The following ARHGAP45 variants were observed in gnomAD, a reference collection of about 807,000 sequenced individuals.
The protein encoded by ARHGAP45 is Rho GTPase activating protein 45.
Under a neutral mutation model 116.1 loss-of-function variants are expected in ARHGAP45, and 56 were observed. The ratio of observed to expected loss-of-function variants is 0.48; its 90% CI spans 0.39 to 0.60. ARHGAP45 has a LOEUF of 0.60. Ranked by LOEUF, ARHGAP45 falls within the 20% of genes least tolerant of loss-of-function variation. The pLI, the probability that ARHGAP45 is intolerant of heterozygous loss-of-function variation, is 0.00. For missense variants in ARHGAP45, 1,622 were observed against 1,601.0 expected (o/e 1.01, Z -0.22); for synonymous variants, 866 against 701.7 (o/e 1.23, Z -3.70).
chr19:1,078,208 G>A (rs1490067833), intron 11 of ARHGAP45, among the ~76,000 whole-genome samples, 163 bp downstream of exon 11: 21 of 150,554 alleles, frequency 1.4e-4, no homozygotes, highest in African/African-American at 3.4e-4. Flanking sequence ...CAGTGGCACA[G>A]TCTCGGCTCA....
intron 19 of ARHGAP45, chr19:1,082,426 C>G: frequency 4.0e-6 from 1 of 247,536 alleles, no homozygotes; most frequent in South Asian, 7.1e-5. Flanking sequence ...TGGGGCGAGG[C>G]TGGGGCCAGG....
chr19:1,080,849 C>A (rs777917465), intron 16 of ARHGAP45, 43 bp from the exon 17 acceptor site: 1 of 1,606,864 alleles, frequency 6.2e-7, no homozygotes, highest in South Asian at 1.1e-5. Context: ...TGGGCCTGGC[C>A]CTGAGCTGCC....
Position 1,078,003 on chromosome 19 carries a change from C to T in ARHGAP45, c.1332C>T (p.Thr444=), listed in dbSNP as rs747329541. The T allele has an allele frequency of 5.3e-5, 82 of 1,554,610 alleles. No homozygotes were observed. Among genetic ancestry groups the T allele is most frequent in the Non-Finnish European group, 6.7e-5 (77 of 1,147,948 alleles). The part of the protein sequence containing the change: ...APGAGSTATK[T]LDKRRRLEEE... The stretch of plus-strand genomic sequence containing the variant: ...GAGCAGGCAGCACGGCCACCAAGAC[C>T]CTGGACAAGCGGCGGCGGCTGGAGG... Residue 444 remains threonine, a synonymous_variant, in exon 11 of 23, where the codon ACC becomes ACT. Coordinates refer to ENST00000313093, the MANE Select transcript of ARHGAP45 (RefSeq NM_012292.5).
At position 1,075,032 on chromosome 19, in the gene ARHGAP45, C is replaced by G. The variant is rs568810406; in HGVS notation, c.1185+153C>G. On this transcript the variant is annotated intron_variant, in intron 10 of 22. Coordinates refer to ENST00000313093, the MANE Select transcript of ARHGAP45 (RefSeq NM_012292.5). ...GCGGCCTCGCAGGCTGGGCCGCCCC[C>G]CCCAACGCCAAGCCGGGTCGGAGAT... is the stretch of plus-strand genomic sequence containing the variant. Among the ~76,000 whole-genome samples the G allele has an allele frequency of 3.0e-3, 397 of 133,062 alleles. 6 individuals are homozygous for G. The highest frequency in any genetic ancestry group is 9.8e-3 in the African/African-American group (371 of 37,936). The allele number at this position is 133,062 out of a possible 152,430, so 87.3% of individuals were successfully genotyped here. A position where few individuals can be genotyped will look rare whatever the true frequency, so the allele number is the denominator to read the frequency against.
Position 1,084,327 on chromosome 19 carries a change from G to A in ARHGAP45, c.3045G>A (p.Ala1015=), listed in dbSNP as rs371531615. The change falls in exon 22 of 23, where the codon GCG becomes GCA. Residue 1015 remains alanine (A), a synonymous_variant. Coordinates refer to ENST00000313093, the MANE Select transcript of ARHGAP45 (RefSeq NM_012292.5). ...GEAVVYPLQE[A]AADGCRESRV... is the part of the protein sequence containing the mutation. ...CGGTGGTCTACCCGCTGCAGGAGGC[G>A]GCGGCGGACGGGTGCAGAGGTGAGT... 5.0e-6 allele frequency: 8 copies of A among 1,610,348 alleles called. No homozygotes were observed. Among genetic ancestry groups the A allele is most frequent in the Non-Finnish European group, 6.8e-6 (8 of 1,178,540 alleles).
At chr19:1,080,218 C>T in intron 13 of ARHGAP45, 37 bp from the exon 14 acceptor site, 1 of 1,611,314 alleles carries the variant, frequency 6.2e-7, no homozygotes, top group Non-Finnish European at 8.5e-7. Context: ...TCTTGCCCCC[C>T]ATCACCTCCC....
intron 10 of ARHGAP45, among the ~76,000 whole-genome samples, chr19:1,076,766 G>C (rs961929122): frequency 2.0e-5 from 3 of 151,976 alleles, no homozygotes; most frequent in Non-Finnish European, 4.4e-5. Context: ...CAAAGTGCTG[G>C]AATTATAGGC....
chr19:1,077,462 C>T (rs1355138648), intron 10 of ARHGAP45: 3 of 1,014,598 alleles, frequency 3.0e-6, no homozygotes, highest in African/African-American at 3.5e-5. Flanking sequence ...CTGCAACCTT[C>T]GCCTCCTGGG....
Position 1,074,696 on chromosome 19 carries a change from G to A in ARHGAP45, c.1076G>A (p.Gly359Asp). The change falls in exon 9 of 23, where the codon GGC becomes GAC. Residue 359 changes from glycine (G) to aspartate (D), a missense_variant. By Grantham distance (94) the Gly-to-Asp change is moderately conservative. Coordinates refer to ENST00000313093, the MANE Select transcript of ARHGAP45 (RefSeq NM_012292.5). ...EFGHSMVQAV[G>D]TLQTQTFMQP... Reference sequence around the variant, plus strand: ...GGCCACAGCATGGTGCAGGCGGTGGGCACCTTGCAGACCCAGACCTTCATG... The same window carrying A: ...GGCCACAGCATGGTGCAGGCGGTGGACACCTTGCAGACCCAGACCTTCATG... 1 of 1,610,130 alleles carries A rather than the reference G, an allele frequency of 6.2e-7. No individual in the cohort carries two copies. The highest frequency in any genetic ancestry group is 8.5e-7 in the Non-Finnish European group (1 of 1,179,148).
Position 1,081,836 on chromosome 19 carries a change from G to C in ARHGAP45, c.2392G>C (p.Val798Leu). Reference protein sequence around the residue: ...RALRTKGIYRVNGVKTRVEKL... With the variant: ...RALRTKGIYRLNGVKTRVEKL... ...CGGGCTCCCGCAGGGCATCTACCGG[G>C]TCAATGGGGTAAAGACACGCGTGGA... The change falls in exon 19 of 23, where the codon GTC (valine) becomes CTC (leucine). Residue 798 changes from valine (V) to leucine (L), a missense_variant. Around this residue, in one of 3 missense-constraint regions of ARHGAP45, gnomAD observed 1,334 missense variants for 1,263.8 expected, o/e 1.06. Transcript: ENST00000313093. 1 of 1,610,304 alleles carries C rather than the reference G, an allele frequency of 6.2e-7. No individual in the cohort carries two copies. The highest frequency in any genetic ancestry group is 2.2e-5 in the East Asian group (1 of 44,760).
rs1447826040 is a variant in ARHGAP45 at position 1,080,075 on chromosome 19, G to A, written c.1660G>A (p.Asp554Asn). The A allele has an allele frequency of 1.2e-6, 2 of 1,612,556 alleles. No individual in the cohort carries two copies. The highest frequency in any genetic ancestry group is 1.1e-5 in the South Asian group (1 of 91,088). Residue 554 changes from aspartate to asparagine, a missense_variant, in exon 13 of 23, where the codon GAT becomes AAT. Coordinates refer to ENST00000313093, the MANE Select transcript of ARHGAP45 (RefSeq NM_012292.5). Reference protein sequence around the residue: ...VRQLQRDQEPDVHYDFEPHVS... With the variant: ...VRQLQRDQEPNVHYDFEPHVS... The stretch of plus-strand genomic sequence containing the variant: ...CCAGCTGCAGCGGGACCAGGAGCCC[G>A]ATGTGCACTACGACTTTGAGCCCCA...
In ARHGAP45 at chr19:1,073,164, G is replaced by A. The variant is rs766251950; in HGVS notation, c.437G>A (p.Arg146His). 3 of 1,608,096 alleles carry A rather than the reference G, an allele frequency of 1.9e-6. No individual in the cohort carries two copies. Among genetic ancestry groups the A allele is most frequent in the South Asian group, 1.1e-5 (1 of 91,026 alleles). Residue 146 changes from arginine (R) to histidine (H), a missense_variant, in exon 3 of 23, where the codon CGC becomes CAC. Physicochemically the swap from Arg to His is conservative, Grantham distance 29 (BLOSUM62 0). Around this residue, in one of 3 missense-constraint regions of ARHGAP45, gnomAD observed 279 missense variants for 311.9 expected, o/e 0.89. Coordinates refer to ENST00000313093, the MANE Select transcript of ARHGAP45 (RefSeq NM_012292.5). ...TCCCCAGCAGACCTCCTTGAGGCCC[G>A]CCGCCCGCGGGCCCACGAGTGCCTG... The part of the protein sequence containing the change: ...CVLRDDLLEA[R>H]RPRAHECLGE...
intron 2 of ARHGAP45, among the ~76,000 whole-genome samples, chr19:1,072,447 G>T (rs923166637): frequency 6.6e-6 from 1 of 151,988 alleles, no homozygotes; most frequent in Admixed American, 6.6e-5. Context: ...CAGAGACAGG[G>T]TCTTACTGTA....
Position 1,071,932 on chromosome 19 carries a change from C to T in ARHGAP45, c.422-1217C>T, listed in dbSNP as rs1231486033. On this transcript the variant is annotated intron_variant, in intron 2 of 22. Coordinates refer to ENST00000313093, the MANE Select transcript of ARHGAP45 (RefSeq NM_012292.5). The surrounding 1 kb of genome is among the most constrained non-coding windows in gnomAD (Gnocchi z 4.6). ...GGCCTCTGTCCTCCCGGGTACCTTTCCCCTCCTACGAATTCCGTGGGTTTG... is the reference window on the plus strand; with the variant it reads ...GGCCTCTGTCCTCCCGGGTACCTTTTCCCTCCTACGAATTCCGTGGGTTTG... 6.6e-6 allele frequency among the ~76,000 whole-genome samples: 1 copy of T among 152,182 alleles called. No homozygotes were observed. Among genetic ancestry groups the T allele is most frequent in the African/African-American group, 2.4e-5 (1 of 41,436 alleles).
intron 22 of ARHGAP45, among the ~76,000 whole-genome samples, chr19:1,085,249 C>G (rs1568488695): frequency 6.6e-6 from 1 of 152,094 alleles, no homozygotes; most frequent in East Asian, 1.9e-4. Context: ...CCGGAAACTC[C>G]AGTTTTTAGA....
chr19:1,071,441 G>GA lies in ARHGAP45; in HGVS notation c.422-1707dup. ...GGGCCGTTTGCCGCCCGCGGTGGGG[G>GA]AGCAGCGGCTGCCGCGCGCCTGGCC... On this transcript the variant is annotated intron_variant, in intron 2 of 22. Coordinates refer to ENST00000313093, the MANE Select transcript of ARHGAP45 (RefSeq NM_012292.5). The surrounding 1 kb of genome is among the most constrained non-coding windows in gnomAD (Gnocchi z 4.6). 1 of 1,035,238 alleles carries GA rather than the reference G, an allele frequency of 9.7e-7. No individual in the cohort carries two copies. The highest frequency in any genetic ancestry group is 1.2e-6 in the Non-Finnish European group (1 of 852,368). The allele number at this position is 1,035,238 out of a possible 1,614,324, so 64.1% of individuals were successfully genotyped here. A position where few individuals can be genotyped will look rare whatever the true frequency, so the allele number is the denominator to read the frequency against.
At position 1,073,966 on chromosome 19, in the gene ARHGAP45, G is replaced by A. The variant is rs1375655559; in HGVS notation, c.742G>A (p.Gly248Arg). ...CCTACAGTCCATGGAAAGCCTGTAT[G>A]GACCGGGCAGTGAGGGCACGCCTCC... is the stretch of plus-strand genomic sequence containing the variant. Reference protein sequence around the residue: ...DSSQSMESLYGPGSEGTPPSL... With the variant: ...DSSQSMESLYRPGSEGTPPSL... The change falls in exon 6 of 23, where the codon GGA becomes AGA. Residue 248 changes from glycine to arginine, a missense_variant. Coordinates refer to ENST00000313093, the MANE Select transcript of ARHGAP45 (RefSeq NM_012292.5). 1.9e-6 allele frequency: 3 copies of A among 1,584,262 alleles called. No individual in the cohort carries two copies. The African/African-American group carries it at 4.0e-5, about 21-fold the overall frequency.
rs545982286 is a variant in ARHGAP45 at position 1,086,127 on chromosome 19, T to C, written c.*121T>C. The C allele has an allele frequency of 4.1e-5, 37 of 912,704 alleles. No individual in the cohort carries two copies. The highest frequency in any genetic ancestry group is 2.5e-4 in the South Asian group (15 of 60,498). The allele number at this position is 912,704 out of a possible 1,614,324, so 56.5% of individuals were successfully genotyped here. ...TCCTGGGGTCGCTGCCGAGAGCGCCTGGACTTCGACGTCCCACCAGCGGGC... is the reference window on the plus strand; with the variant it reads ...TCCTGGGGTCGCTGCCGAGAGCGCCCGGACTTCGACGTCCCACCAGCGGGC... On this transcript the variant is annotated 3_prime_UTR_variant, in exon 23 of 23. Transcript: ENST00000313093.
At position 1,083,253 on chromosome 19, in the gene ARHGAP45, C is replaced by T. The variant is rs1485426929; in HGVS notation, c.2855C>T (p.Ser952Phe). 6.2e-7 allele frequency: 1 copy of T among 1,603,852 alleles called. No homozygotes were observed. ...ACCGAGGCCACCGTGTCCCTCTCCTCCCTGGTGGATTATCCCCATCAGGCC... is the reference window on the plus strand; with the variant it reads ...ACCGAGGCCACCGTGTCCCTCTCCTTCCTGGTGGATTATCCCCATCAGGCC... Reference protein sequence around the residue: ...RPTEATVSLSSLVDYPHQARV... With the variant: ...RPTEATVSLSFLVDYPHQARV... Residue 952 changes from serine to phenylalanine, a missense_variant, in exon 21 of 23, where the codon TCC (serine) becomes TTC (phenylalanine). Transcript: ENST00000313093.
Sources: allele counts gnomAD v4.1 joint callset (sites outside exome capture counted in the v4.1 genomes callset), GRCh38; gene constraint gnomAD v4.1.1; regional missense constraint gnomAD v4.1.1; non-coding constraint Gnocchi (gnomAD v3.1); transcripts MANE v1.5; gene names NCBI Gene and HGNC (gene_info 2026-07-23, HGNC 2026-07-21).